Variants in RBMS3 observed in about 807,000 individuals in gnomAD.
The protein encoded by RBMS3 is RNA binding motif single stranded interacting protein 3.
In RBMS3, 27 loss-of-function variants were observed where a neutral mutation model predicts 66.8. The observed-to-expected ratio is 0.40, with a 90% CI of 0.30 to 0.56. RBMS3 has a LOEUF of 0.56. Among genes scored for constraint, RBMS3 ranks in the 20% least tolerant of loss-of-function variants. The pLI is 0.40. For missense variants in RBMS3, 513 were observed against 549.5 expected, an observed-to-expected ratio of 0.93 and a Z score of 0.66; for synonymous variants, 188 against 183.0, an observed-to-expected ratio of 1.03 and a Z score of -0.22.
chr3:29,930,109 C>CTTTTTTTTTTTTTTTTTTTTTTTTTTTTT (rs775548425), intron 10 of RBMS3, among the ~76,000 whole-genome samples: 8 of 43,556 alleles, frequency 1.8e-4, no homozygotes, highest in Non-Finnish European at 3.1e-4. Flanking sequence ...TTCTTTCTTT[C>CTTTTTTTTTTTTTTTTTTTTTTTTTTTTT]TTTTTTTTTT....
chr3:29,755,957 C>G (rs2055393731), intron 5 of RBMS3, among the ~76,000 whole-genome samples: 1 of 152,086 alleles, frequency 6.6e-6, no homozygotes, highest in African/African-American at 2.4e-5. Context: ...AATAATTTTT[C>G]TTTTCTCCTA....
intron 6 of RBMS3, among the ~76,000 whole-genome samples, chr3:29,793,071 C>T (rs893425735): frequency 6.6e-6 from 1 of 151,960 alleles, no homozygotes; most frequent in Non-Finnish European, 1.5e-5. Context: ...AACCCTGTCT[C>T]TACTAAAAAT....
At chr3:29,361,723 A>G (rs2037602228) in intron 1 of RBMS3, among the ~76,000 whole-genome samples, 1 of 151,996 alleles carries the variant, frequency 6.6e-6, no homozygotes, top group South Asian at 2.1e-4. Flanking sequence ...ATAGTCCCAT[A>G]TTTCTTGGAG....
intron 4 of RBMS3, among the ~76,000 whole-genome samples, chr3:29,692,433 G>A (rs77391997): frequency 6.6e-6 from 1 of 152,178 alleles, no homozygotes; most frequent in African/African-American, 2.4e-5. Flanking sequence ...ATAACAATAA[G>A]CATTATTATG....
At chr3:29,359,225 A>G (rs1360831597) in intron 1 of RBMS3, among the ~76,000 whole-genome samples, 3 of 152,184 alleles carry the variant, frequency 2.0e-5, no homozygotes, top group African/African-American at 7.2e-5. Flanking sequence ...CATCCCATCA[A>G]TACCTAATTT....
intron 6 of RBMS3, among the ~76,000 whole-genome samples, chr3:29,769,599 AG>A (rs776022196): frequency 9.2e-5 from 13 of 141,176 alleles, no homozygotes; most frequent in Non-Finnish European, 1.7e-4. Context: ...TTAAGTGAAT[AG>A]TGACAAAGAG....
Position 29,620,137 on chromosome 3 carries a change from G to A in RBMS3, c.399+32932G>A, listed in dbSNP as rs547114285. Reference sequence around the variant, plus strand: ...TCCAGAAAACAAATGGAAAATTTTGGAGATATTAAAGGCAAGAATAAATTT... The same window carrying A: ...TCCAGAAAACAAATGGAAAATTTTGAAGATATTAAAGGCAAGAATAAATTT... On this transcript the variant is annotated intron_variant, in intron 4 of 14. Coordinates refer to ENST00000383767, the MANE Select transcript of RBMS3 (RefSeq NM_001003793.3). 3.3e-5 allele frequency among the ~76,000 whole-genome samples: 5 copies of A among 152,236 alleles called. No homozygotes were observed. In the South Asian group the frequency reaches 6.2e-4, roughly 19 times the overall value.
At chr3:29,468,052 C>G (rs2042599632) in intron 2 of RBMS3, among the ~76,000 whole-genome samples, 1 of 152,116 alleles carries the variant, frequency 6.6e-6, no homozygotes. Flanking sequence ...TTGACACTTT[C>G]AGCAACTTGG....
At chr3:29,307,497 T>G (rs2125458283) in intron 1 of RBMS3, among the ~76,000 whole-genome samples, 1 of 151,846 alleles carries the variant, frequency 6.6e-6, no homozygotes, top group East Asian at 2.0e-4. Flanking sequence ...GAGGTCAGGA[T>G]TATGTGGCTA....
intron 6 of RBMS3, among the ~76,000 whole-genome samples, chr3:29,843,761 C>A (rs2058716015): frequency 6.6e-6 from 1 of 152,136 alleles, no homozygotes; most frequent in Admixed American, 6.5e-5. Context: ...CCAGCCTGGG[C>A]AACATAGCAA....
chr3:29,537,974 A>C (rs1475967311), intron 3 of RBMS3, among the ~76,000 whole-genome samples: 1 of 152,084 alleles, frequency 6.6e-6, no homozygotes, highest in Non-Finnish European at 1.5e-5. Context: ...CTTTTTGCAT[A>C]TATATTTAAG....
chr3:29,944,262 A>C lies in RBMS3; in HGVS notation c.1098+8A>C. 6.3e-7 allele frequency: 1 copy of C among 1,577,208 alleles called. No homozygotes were observed. The highest frequency in any genetic ancestry group is 8.7e-7 in the Non-Finnish European group (1 of 1,147,374). ...CACCAGCTGTTGTGTCAGGTAGGAA[A>C]ATTCTAATTCTTTTAAGACTGGATT... On this transcript the variant is annotated splice_region_variant and intron_variant, in intron 12 of 14. Coordinates refer to ENST00000383767, the MANE Select transcript of RBMS3 (RefSeq NM_001003793.3).
chr3:29,373,657 A>C (rs1365525996), intron 1 of RBMS3, among the ~76,000 whole-genome samples: 1 of 152,220 alleles, frequency 6.6e-6, no homozygotes, highest in Non-Finnish European at 1.5e-5. Flanking sequence ...CAAGCAAACA[A>C]GTAGCAAGTA....
At chr3:29,731,818 C>T (rs1017016395) in intron 4 of RBMS3, among the ~76,000 whole-genome samples, 5 of 152,042 alleles carry the variant, frequency 3.3e-5, no homozygotes, top group African/African-American at 1.2e-4. Context: ...TACCTCACTC[C>T]CTCTCGTGCA....
chr3:29,895,766 A>G (rs2060111809), intron 8 of RBMS3, among the ~76,000 whole-genome samples: 1 of 151,528 alleles, frequency 6.6e-6, no homozygotes, highest in Non-Finnish European at 1.5e-5. Context: ...TTGCTGGGCC[A>G]TAGGGAAAGT....
At chr3:29,716,034 A>G (rs140482767) in intron 4 of RBMS3, among the ~76,000 whole-genome samples, 101 of 152,276 alleles carry the variant, frequency 6.6e-4, no homozygotes, top group African/African-American at 2.3e-3. Context: ...GATGGCATAG[A>G]TGGCTGTTGA....
At position 29,491,719 on chromosome 3, in the gene RBMS3, C is replaced by T. The variant is rs539143810; in HGVS notation, c.307+3220C>T. Among the ~76,000 whole-genome samples the T allele has an allele frequency of 3.4e-3, 514 of 152,244 alleles. 2 individuals are homozygous for T. Among genetic ancestry groups the T allele is most frequent in the Non-Finnish European group, 4.6e-3 (314 of 68,020 alleles). ...GAAATTGGACAGCGGTTAGGCCGGG[C>T]GCAGTGGCTCATGCCTGTAATCCCA... is the stretch of plus-strand genomic sequence containing the variant. On this transcript the variant is annotated intron_variant, in intron 3 of 14. Coordinates refer to ENST00000383767, the MANE Select transcript of RBMS3 (RefSeq NM_001003793.3).
At chr3:29,350,463 T>C (rs1426205553) in intron 1 of RBMS3, among the ~76,000 whole-genome samples, 1 of 152,188 alleles carries the variant, frequency 6.6e-6, no homozygotes, top group Non-Finnish European at 1.5e-5. Context: ...TCAGTTAGTT[T>C]ACTTCATGTA....
At position 29,448,741 on chromosome 3, in the gene RBMS3, G is replaced by C. The variant is rs193279253; in HGVS notation, c.248+13826G>C. On this transcript the variant is annotated intron_variant, in intron 2 of 14. Coordinates refer to ENST00000383767, the MANE Select transcript of RBMS3 (RefSeq NM_001003793.3). ...ATCCTGGGAAACTCTTAAGTAGCAGGCAAACTAGGCCTCCCGTTACAAGTA... is the reference window on the plus strand; with the variant it reads ...ATCCTGGGAAACTCTTAAGTAGCAGCCAAACTAGGCCTCCCGTTACAAGTA... Among the ~76,000 whole-genome samples the C allele has an allele frequency of 1.2e-4, 18 of 152,238 alleles. No homozygotes were observed. The East Asian group carries it at 3.1e-3, about 26-fold the overall frequency.
Sources: allele counts gnomAD v4.1 joint callset (sites outside exome capture counted in the v4.1 genomes callset), GRCh38; gene constraint gnomAD v4.1.1; transcripts MANE v1.5; gene names NCBI Gene and HGNC (gene_info 2026-07-23, HGNC 2026-07-21).